Variants in HUWE1 observed in about 807,000 individuals in gnomAD.
The protein encoded by HUWE1 is E3 ubiquitin-protein ligase HUWE1.
HUWE1 carries 18 observed loss-of-function variants against 299.4 expected under a neutral mutation model. That is an observed-to-expected ratio of 0.06 (90% confidence interval 0.04 to 0.09). The LOEUF is 0.09. Among genes scored for constraint, HUWE1 ranks in the 10% least tolerant of loss-of-function variants. HUWE1 has a pLI of 1.00. For synonymous variants in HUWE1, 1,317 were observed against 1,286.1 expected, an observed-to-expected ratio of 1.02 and a Z score of -0.51; for missense variants, 1,832 against 3,462.3, an observed-to-expected ratio of 0.53 and a Z score of 11.82.
chrX:53,613,492 G>A lies in HUWE1; in HGVS notation c.2261+1042C>T, dbSNP rs143557564. On this transcript the variant is annotated intron_variant, in intron 23 of 83. Coordinates refer to ENST00000262854, the MANE Select transcript of HUWE1 (RefSeq NM_031407.7). ...AAGACCACTTATTATATGAGGGAGTGCAGGACTGTCCAGAAAGATCAATCC... is the reference window on the plus strand; with the variant it reads ...AAGACCACTTATTATATGAGGGAGTACAGGACTGTCCAGAAAGATCAATCC... Among the ~76,000 whole-genome samples, 767 of 111,667 alleles carry A rather than the reference G, an allele frequency of 6.9e-3. 7 individuals are homozygous for A. The highest frequency in any genetic ancestry group is 0.019 in the Middle Eastern group (4 of 215).
At chrX:53,639,066 A>G (rs1455339593) in intron 7 of HUWE1, among the ~76,000 whole-genome samples, 2 of 112,519 alleles carry the variant, frequency 1.8e-5, no homozygotes, top group African/African-American at 6.5e-5. Flanking sequence ...CATACAAAAC[A>G]CAATAAACAA....
At chrX:53,672,736 A>AT (rs1357185780) in intron 3 of HUWE1, among the ~76,000 whole-genome samples, 1 of 112,098 alleles carries the variant, frequency 8.9e-6, no homozygotes, top group Non-Finnish European at 1.9e-5. Context: ...TGTTTTCAGC[A>AT]TTTTTGTTTG....
chrX:53,615,939 G>A, intron 21 of HUWE1, 104 bp from the exon 22 acceptor site: 1 of 599,884 alleles, frequency 1.7e-6, no homozygotes, highest in Middle Eastern at 3.4e-4. Context: ...AACTGAGCCT[G>A]GTTATGATTT....
At chrX:53,599,475 C>T (rs2064699717) in intron 29 of HUWE1, among the ~76,000 whole-genome samples, 1 of 110,990 alleles carries the variant, frequency 9.0e-6, no homozygotes, top group Non-Finnish European at 1.9e-5. Flanking sequence ...CAAATAGGTT[C>T]CCAAACATTG....
At chrX:53,603,961 T>C (rs1351174278) in intron 26 of HUWE1, among the ~76,000 whole-genome samples, 1 of 112,286 alleles carries the variant, frequency 8.9e-6, no homozygotes, top group African/African-American at 3.2e-5. Context: ...TGTTAAGTAA[T>C]TTAATTTTCT....
Position 53,588,532 on chromosome X carries a change from C to T in HUWE1, c.4464G>A (p.Val1488=), listed in dbSNP as rs2063975884. ...DMILKQVVNQ[V]WEAADVLIKA... ...TGATCAATACATCAGCAGCTTCCCACACCTAGAAAAGCAAAAAAAGGGTTA... is the reference window on the plus strand; with the variant it reads ...TGATCAATACATCAGCAGCTTCCCATACCTAGAAAAGCAAAAAAAGGGTTA... The change falls in exon 37 of 84, where the codon GTG becomes GTA. Residue 1488 remains valine (V), a splice_region_variant and synonymous_variant. Transcript: ENST00000262854. 1 of 1,201,743 alleles carries T rather than the reference C, an allele frequency of 8.3e-7. No homozygotes were observed. Among genetic ancestry groups the T allele is most frequent in the Non-Finnish European group, 1.1e-6 (1 of 890,163 alleles).
At chrX:53,670,632 A>G (rs2069475058) in intron 3 of HUWE1, among the ~76,000 whole-genome samples, 1 of 111,514 alleles carries the variant, frequency 9.0e-6, no homozygotes, top group Admixed American at 9.5e-5. Flanking sequence ...ACGTAAAAGG[A>G]TATCTTCTAG....
At chrX:53,625,918 T>C (rs1557017448) in intron 17 of HUWE1, 3 of 375,788 alleles carry the variant, frequency 8.0e-6, no homozygotes, top group Admixed American at 5.2e-5. Flanking sequence ...GGACCAGGGC[T>C]GGGGCCAGAA....
In HUWE1 at chrX:53,583,873, T is replaced by C; in HGVS notation, c.5205A>G (p.Thr1735=). Residue 1735 remains threonine (T), a synonymous_variant, in exon 42 of 84, where the codon ACA becomes ACG. Transcript: ENST00000262854. ...ALESTNTEKE[T]SLEETKIGEI... is the part of the protein sequence containing the mutation. The stretch of plus-strand genomic sequence containing the variant: ...CCCCGATTTTTGTTTCCTCCAGGCT[T>C]GTCTCCTTTTCAGTGTTTGTACTCT... 1 of 1,209,645 alleles carries C rather than the reference T, an allele frequency of 8.3e-7. No homozygotes were observed. The highest frequency in any genetic ancestry group is 1.1e-6 in the Non-Finnish European group (1 of 894,129).
In HUWE1 at chrX:53,538,244, G is replaced by A. The variant is rs1259753299; in HGVS notation, c.11996+93C>T. 7 of 612,845 alleles carry A rather than the reference G, an allele frequency of 1.1e-5. No individual in the cohort carries two copies. In the Admixed American group the frequency reaches 1.7e-4, roughly 15 times the overall value. The allele number at this position is 612,845 out of a possible 1,213,427, so 50.5% of individuals were successfully genotyped here. A position where few individuals can be genotyped will look rare whatever the true frequency, so the allele number is the denominator to read the frequency against. ...CACCATTCCAAGTGCTGTCACCAAAGGAAATTTGTGGCCTCAAGAGTAACT... is the reference window on the plus strand; with the variant it reads ...CACCATTCCAAGTGCTGTCACCAAAAGAAATTTGTGGCCTCAAGAGTAACT... On this transcript the variant is annotated intron_variant, in intron 77 of 83. Coordinates refer to ENST00000262854, the MANE Select transcript of HUWE1 (RefSeq NM_031407.7).
chrX:53,635,292 A>G (rs898911069), intron 7 of HUWE1, among the ~76,000 whole-genome samples: 3 of 110,142 alleles, frequency 2.7e-5, no homozygotes, highest in Non-Finnish European at 1.9e-5. Flanking sequence ...AAAAATAAAA[A>G]TTATATATAT....
At chrX:53,533,880 T>C (rs1276671428) in intron 83 of HUWE1, 127 bp downstream of exon 83, 5 of 641,772 alleles carry the variant, frequency 7.8e-6, no homozygotes, top group Non-Finnish European at 1.3e-5. Context: ...AAACACCAAA[T>C]TGTGAGTTAC....
chrX:53,573,708 G>C, intron 47 of HUWE1, 42 bp downstream of exon 47: 3 of 1,058,017 alleles, frequency 2.8e-6, no homozygotes, highest in Non-Finnish European at 2.6e-6. Flanking sequence ...CCAAATGATG[G>C]AAGTACAGTG....
intron 2 of HUWE1, among the ~76,000 whole-genome samples, 192 bp downstream of exon 2, chrX:53,686,074 ATGTG>A (rs782293699): frequency 5.2e-4 from 58 of 111,797 alleles, no homozygotes; most frequent in African/African-American, 1.8e-3. Context: ...GTCGAAATGA[ATGTG>A]TGTGTGTGTG....
intron 41 of HUWE1, 42 bp downstream of exon 41, chrX:53,584,144 C>CAA (rs782319402): frequency 6.9e-6 from 8 of 1,166,293 alleles, no homozygotes; most frequent in Non-Finnish European, 9.3e-6. Flanking sequence ...CCTTAAGCCA[C>CAA]AAAGGCACAT....
intron 46 of HUWE1, among the ~76,000 whole-genome samples, chrX:53,574,811 T>C (rs1206748739): frequency 1.8e-5 from 2 of 112,023 alleles, no homozygotes; most frequent in East Asian, 5.6e-4. Context: ...AAGACAGGCA[T>C]CCACCACGTA....
At chrX:53,542,101 T>A (rs1323697707) in intron 74 of HUWE1, among the ~76,000 whole-genome samples, 1 of 111,656 alleles carries the variant, frequency 9.0e-6, no homozygotes, top group Non-Finnish European at 1.9e-5. Flanking sequence ...GAGAATTGCT[T>A]GAACCCAGGA....
At chrX:53,609,658 G>A (rs192037421) in intron 23 of HUWE1, among the ~76,000 whole-genome samples, 2 of 112,188 alleles carry the variant, frequency 1.8e-5, no homozygotes, top group East Asian at 5.6e-4. Context: ...AGTATATTGT[G>A]ATGAATCAAA....
chrX:53,593,278 A>T (rs1035301340), intron 32 of HUWE1, 86 bp downstream of exon 32: 1 of 682,519 alleles, frequency 1.5e-6, no homozygotes, highest in Non-Finnish European at 2.4e-6. Flanking sequence ...TTAAATAAGC[A>T]TGTTATTTCA....
Sources: allele counts gnomAD v4.1 joint callset (sites outside exome capture counted in the v4.1 genomes callset), GRCh38; gene constraint gnomAD v4.1.1; transcripts MANE v1.5; gene names NCBI Gene and HGNC (gene_info 2026-07-23, HGNC 2026-07-21).